The following FHIT variants were observed in gnomAD, a reference collection of about 807,000 sequenced individuals.
FHIT encodes the protein bis(5'-adenosyl)-triphosphatase.
FHIT carries 19 observed loss-of-function variants against 17.9 expected under a neutral mutation model. That is an observed-to-expected ratio of 1.06 (90% confidence interval 0.74 to 1.56). FHIT has a LOEUF of 1.56. Ranked by LOEUF, FHIT falls within the 40% of genes most tolerant of loss-of-function variation. FHIT has a pLI of 0.00. For missense variants in FHIT, 248 were observed against 189.2 expected (o/e 1.31, Z -1.82); for synonymous variants, 81 against 69.7 (o/e 1.16, Z -0.81).
chr3:61,136,548 T>C (rs184459820), intron 2 of FHIT, among the ~76,000 whole-genome samples: 15 of 152,286 alleles, frequency 9.8e-5, no homozygotes, highest in Non-Finnish European at 1.6e-4. Context: ...AGGAGGACAG[T>C]GACTATACAA....
intron 5 of FHIT, among the ~76,000 whole-genome samples, chr3:60,071,141 G>A (rs1225517236): frequency 6.6e-6 from 1 of 152,006 alleles, no homozygotes; most frequent in Non-Finnish European, 1.5e-5. Context: ...ATAGAGTAGA[G>A]CCACCAGCCA....
At chr3:59,955,101 G>C (rs542296161) in intron 7 of FHIT, among the ~76,000 whole-genome samples, 2 of 152,278 alleles carry the variant, frequency 1.3e-5, no homozygotes, top group South Asian at 2.1e-4. Context: ...TGTAATATAG[G>C]AAAAACAACA....
intron 5 of FHIT, among the ~76,000 whole-genome samples, chr3:60,452,133 T>C (rs1390548998): frequency 6.6e-6 from 1 of 152,208 alleles, no homozygotes; most frequent in African/African-American, 2.4e-5. Context: ...AGAAATACTG[T>C]AACCACATAT....
intron 4 of FHIT, among the ~76,000 whole-genome samples, chr3:60,669,525 C>T (rs1392125715): frequency 6.6e-6 from 1 of 152,158 alleles, no homozygotes; most frequent in African/African-American, 2.4e-5. Flanking sequence ...CACTAACATA[C>T]ACATACATGT....
At chr3:60,214,074 GGAA>G (rs1208095280) in intron 5 of FHIT, among the ~76,000 whole-genome samples, 7 of 152,038 alleles carry the variant, frequency 4.6e-5, no homozygotes, top group Non-Finnish European at 1.0e-4. Context: ...TAGCGCAATG[GGAA>G]GCTAAGTAGA....
At chr3:60,467,844 G>C (rs938596105) in intron 5 of FHIT, among the ~76,000 whole-genome samples, 17 of 152,116 alleles carry the variant, frequency 1.1e-4, no homozygotes, top group African/African-American at 3.4e-4. Flanking sequence ...CTGTACTGCA[G>C]ATTAAGTAAG....
chr3:60,134,905 A>G (rs2107279199), intron 5 of FHIT, among the ~76,000 whole-genome samples: 1 of 152,192 alleles, frequency 6.6e-6, no homozygotes, highest in South Asian at 2.1e-4. Flanking sequence ...GCCTTGGTAT[A>G]GCCTCAGAGG....
At chr3:60,993,528 A>G (rs2107587737) in intron 3 of FHIT, among the ~76,000 whole-genome samples, 1 of 152,266 alleles carries the variant, frequency 6.6e-6, no homozygotes, top group South Asian at 2.1e-4. Flanking sequence ...AAGGGAACTG[A>G]TTTAGACTTA....
intron 2 of FHIT, among the ~76,000 whole-genome samples, chr3:61,106,231 A>C (rs959371661): frequency 6.6e-6 from 1 of 152,186 alleles, no homozygotes; most frequent in Non-Finnish European, 1.5e-5. Context: ...GTTTTAATAT[A>C]TGTATACATT....
chr3:59,776,750 C>A (rs9813727), intron 8 of FHIT, among the ~76,000 whole-genome samples: 1 of 152,042 alleles, frequency 6.6e-6, no homozygotes, highest in Non-Finnish European at 1.5e-5. Context: ...GTGTGCTCAG[C>A]GCTGATCCAA....
At chr3:59,947,886 G>A (rs1706895099) in intron 7 of FHIT, among the ~76,000 whole-genome samples, 1 of 152,122 alleles carries the variant, frequency 6.6e-6, no homozygotes, top group Admixed American at 6.5e-5. Flanking sequence ...CTATATAAAA[G>A]ACTCCTATAT....
At chr3:60,963,277 C>T (rs1394490655) in intron 3 of FHIT, among the ~76,000 whole-genome samples, 1 of 152,054 alleles carries the variant, frequency 6.6e-6, no homozygotes, top group South Asian at 2.1e-4. Flanking sequence ...GTGGTGATAT[C>T]CCCTTTATCA....
chr3:60,704,666 T>A (rs2041329340), intron 4 of FHIT, among the ~76,000 whole-genome samples: 1 of 152,156 alleles, frequency 6.6e-6, no homozygotes. Context: ...CATCTTAATT[T>A]GTTGAATGCC....
At chr3:60,098,160 G>A (rs1704041606) in intron 5 of FHIT, among the ~76,000 whole-genome samples, 1 of 138,066 alleles carries the variant, frequency 7.2e-6, no homozygotes, top group Non-Finnish European at 1.6e-5. Context: ...ATTGTGAATA[G>A]TGCCGCAATA....
intron 5 of FHIT, among the ~76,000 whole-genome samples, chr3:60,373,471 G>A (rs771453191): frequency 3.9e-5 from 6 of 152,190 alleles, no homozygotes; most frequent in Admixed American, 1.3e-4. Flanking sequence ...AGAATAAGCA[G>A]AGCCACCATC....
chr3:60,703,090 T>C (rs374423051), intron 4 of FHIT, among the ~76,000 whole-genome samples: 11 of 152,294 alleles, frequency 7.2e-5, no homozygotes, highest in African/African-American at 2.6e-4. Context: ...GAGCGGCCCC[T>C]ACCCAATGAC....
chr3:60,111,249 C>G (rs537526743), intron 5 of FHIT, among the ~76,000 whole-genome samples: 1 of 152,294 alleles, frequency 6.6e-6, no homozygotes, highest in Non-Finnish European at 1.5e-5. Context: ...TATAAATTCA[C>G]ATATACCCGT....
rs1700579593 is a variant in FHIT, at chr3:60,786,465, C to T, written c.-18+35454G>A. Reference sequence around the variant, plus strand: ...AGAATGGAGATGGTTCAAATGCTAGCTCGGCTACTTAGCAATACCTGTCCT... The same window carrying T: ...AGAATGGAGATGGTTCAAATGCTAGTTCGGCTACTTAGCAATACCTGTCCT... On this transcript the variant is annotated intron_variant, in intron 4 of 9. Transcript: ENST00000492590. Among the ~76,000 whole-genome samples the T allele has an allele frequency of 2.6e-5, 4 of 152,154 alleles. No individual in the cohort carries two copies. The South Asian group carries it at 8.3e-4, about 31-fold the overall frequency.
At chr3:60,672,957 A>G (rs369507319) in intron 4 of FHIT, among the ~76,000 whole-genome samples, 3 of 146,550 alleles carry the variant, frequency 2.0e-5, no homozygotes, top group East Asian at 2.1e-4. Flanking sequence ...ATCAAAATCT[A>G]CCTAAAATTA....
Sources: gnomAD v4.1 joint callset for allele counts (sites outside exome capture counted in the v4.1 genomes callset) on GRCh38, gnomAD v4.1.1 for gene constraint, MANE v1.5 for transcripts, NCBI Gene and HGNC (gene_info 2026-07-23, HGNC 2026-07-21) for gene names.